Variants in NLRP14 observed in about 807,000 individuals in gnomAD.
The protein encoded by NLRP14 is NLR family pyrin domain containing 14.
In NLRP14, 105 loss-of-function variants were observed where a neutral mutation model predicts 94.7. The observed-to-expected ratio is 1.11, with a 90% CI of 0.95 to 1.30. The LOEUF (loss-of-function observed/expected upper bound fraction) is 1.30, where lower values mean the gene tolerates loss of function less well. Among genes scored for constraint, NLRP14 ranks in the 50% most tolerant of loss-of-function variants. NLRP14 has a pLI of 0.00. For synonymous variants in NLRP14, 508 were observed against 459.9 expected, an observed-to-expected ratio of 1.10 and a Z score of -1.34; for missense variants, 1,362 against 1,254.1, an observed-to-expected ratio of 1.09 and a Z score of -1.30.
chr11:7,041,322 C>G (rs1269722752), intron 3 of NLRP14, among the ~76,000 whole-genome samples: 1 of 152,038 alleles, frequency 6.6e-6, no homozygotes, highest in Non-Finnish European at 1.5e-5. Context: ...AAGTGAGTTT[C>G]TCACTCTTCC....
At chr11:7,089,227 A>G in the NLRP14 span, 1 of 1,613,206 alleles carries the variant, frequency 6.2e-7, no homozygotes, top group Non-Finnish European at 8.5e-7. Flanking sequence ...CGCATCGTCG[A>G]GGTGCTCCTG....
chr11:7,088,999 G>T, the NLRP14 span: 1 of 1,190,846 alleles, frequency 8.4e-7, no homozygotes, highest in South Asian at 1.4e-5. Context: ...CGGTTCCGTG[G>T]ACTCGGCGAC....
In NLRP14 at chr11:7,043,182, G is replaced by C; in HGVS notation, c.1156G>C (p.Gly386Arg). 6.2e-7 allele frequency: 1 copy of C among 1,614,080 alleles called. No homozygotes were observed. The highest frequency in any genetic ancestry group is 8.5e-7 in the Non-Finnish European group (1 of 1,180,014). Reference sequence around the variant, plus strand: ...TTGTCTGAAGCAGCAAATGGAGAAGGGTGGTGATGTCACATTGACCTGCCA... The same window carrying C: ...TTGTCTGAAGCAGCAAATGGAGAAGCGTGGTGATGTCACATTGACCTGCCA... ...CTCLKQQMEK[G>R]GDVTLTCQTT... Residue 386 changes from glycine to arginine, a missense_variant, in exon 4 of 12, where the codon GGT (glycine) becomes CGT (arginine). Coordinates refer to ENST00000299481, the MANE Select transcript of NLRP14 (RefSeq NM_176822.4).
intron 5 of NLRP14, among the ~76,000 whole-genome samples, chr11:7,047,095 A>T (rs1852366177): frequency 6.6e-6 from 1 of 152,204 alleles, no homozygotes; most frequent in Non-Finnish European, 1.5e-5. Flanking sequence ...ACAGAGCTAA[A>T]ACATTCTAGG....
At chr11:7,032,377 T>C (rs1852110993) in intron 1 of NLRP14, among the ~76,000 whole-genome samples, 2 of 152,200 alleles carry the variant, frequency 1.3e-5, no homozygotes, top group Admixed American at 6.5e-5. Context: ...TGAATCCTTA[T>C]TGACAATTAT....
rs1219952208 is a variant in NLRP14, at chr11:7,070,350, A to G, written c.3040A>G (p.Lys1014Glu). The G allele has an allele frequency of 2.5e-6, 4 of 1,610,806 alleles. No individual in the cohort carries two copies. In the Admixed American group the frequency reaches 5.0e-5, roughly 20 times the overall value. ...TCTCTCCTCTGCTCTTATCTGCAACAAAAGACTGATAAAAATGAATCTGAC... is the reference window on the plus strand; with the variant it reads ...TCTCTCCTCTGCTCTTATCTGCAACGAAAGACTGATAAAAATGAATCTGAC... Reference protein sequence around the residue: ...QDLSSALICNKRLIKMNLTQN... With the variant: ...QDLSSALICNERLIKMNLTQN... The change falls in exon 11 of 12, where the codon AAA becomes GAA. Residue 1014 changes from lysine to glutamate, a missense_variant. Transcript: ENST00000299481.
At chr11:7,025,928 T>C (rs12288888) in intron 1 of NLRP14, among the ~76,000 whole-genome samples, 1,836 of 152,228 alleles carry the variant, frequency 0.012, 45 homozygotes, top group African/African-American at 0.043. Context: ...CACGCACAGA[T>C]TGAATAGTAT....
At chr11:7,031,142 A>G (rs1441828606) in intron 1 of NLRP14, among the ~76,000 whole-genome samples, 1 of 152,184 alleles carries the variant, frequency 6.6e-6, no homozygotes, top group Non-Finnish European at 1.5e-5. Context: ...TGGAACAGCA[A>G]ATGCCTGTTG....
At chr11:7,089,743 G>C in the NLRP14 span, 4 of 1,551,252 alleles carry the variant, frequency 2.6e-6, no homozygotes, top group Admixed American at 1.9e-5. Context: ...CCCTACCTGG[G>C]CCCGCGGGAT....
chr11:7,057,597 C>T, intron 6 of NLRP14, 80 bp from the exon 7 acceptor site: 1 of 1,344,436 alleles, frequency 7.4e-7, no homozygotes, highest in Non-Finnish European at 1.1e-6. Flanking sequence ...AGGAAACTTC[C>T]TACCTTTGGG....
At chr11:7,082,907 A>T in the NLRP14 span, among the ~76,000 whole-genome samples, 2 of 152,226 alleles carry the variant, frequency 1.3e-5, no homozygotes, top group Admixed American at 6.5e-5. Flanking sequence ...TGAAGGCACA[A>T]TCTGACCCAT....
intron 6 of NLRP14, 101 bp downstream of exon 6, chr11:7,049,939 C>A: frequency 2.1e-6 from 2 of 957,154 alleles, no homozygotes; most frequent in Non-Finnish European, 3.4e-6. Flanking sequence ...ATAGGACCGG[C>A]TTAAATCTAC....
intron 3 of NLRP14, among the ~76,000 whole-genome samples, chr11:7,040,799 A>C (rs1024118858): frequency 2.6e-5 from 4 of 152,208 alleles, no homozygotes; most frequent in African/African-American, 9.6e-5. Context: ...ATGACCTTGA[A>C]TATAACATCC....
At chr11:7,049,954 A>C in intron 6 of NLRP14, 116 bp downstream of exon 6, 3 of 866,692 alleles carry the variant, frequency 3.5e-6, no homozygotes, top group Non-Finnish European at 5.9e-6. Flanking sequence ...ATCTACTTTC[A>C]TGATATGGGG....
chr11:7,043,405 T>G lies in NLRP14; in HGVS notation c.1379T>G (p.Phe460Cys). 1 of 1,614,108 alleles carries G rather than the reference T, an allele frequency of 6.2e-7. No homozygotes were observed. Among genetic ancestry groups the G allele is most frequent in the Non-Finnish European group, 8.5e-7 (1 of 1,179,946 alleles). Reference protein sequence around the residue: ...LGLTQSDVSSFMDSNIIQKDA... With the variant: ...LGLTQSDVSSCMDSNIIQKDA... ...TTAACTCAATCTGATGTCTCTAGTT[T>G]TATGGACAGCAATATTATTCAGAAG... The change falls in exon 4 of 12, where the codon TTT becomes TGT. Residue 460 changes from phenylalanine (F) to cysteine (C), a missense_variant. By Grantham distance (205) the Phe-to-Cys change is radical. Coordinates refer to ENST00000299481, the MANE Select transcript of NLRP14 (RefSeq NM_176822.4).
intron 11 of NLRP14, 100 bp from the exon 12 acceptor site, chr11:7,071,073 A>C (rs1852788524): frequency 1.5e-6 from 2 of 1,359,826 alleles, no homozygotes; most frequent in African/African-American, 2.9e-5. Flanking sequence ...CTATTTTAAC[A>C]GAACAGTTTT....
At chr11:7,035,764 A>G (rs1301196628) in intron 1 of NLRP14, among the ~76,000 whole-genome samples, 1 of 152,172 alleles carries the variant, frequency 6.6e-6, no homozygotes, top group East Asian at 1.9e-4. Flanking sequence ...TCTGGCCCAG[A>G]TGATAGTCAT....
intron 3 of NLRP14, among the ~76,000 whole-genome samples, chr11:7,041,698 C>T (rs181204644): frequency 6.6e-6 from 1 of 152,114 alleles, no homozygotes; most frequent in Admixed American, 6.5e-5. Context: ...TAGCTAGTGA[C>T]ATGTACTGTG....
At chr11:7,077,510 T>A in the NLRP14 span, among the ~76,000 whole-genome samples, 5 of 152,378 alleles carry the variant, frequency 3.3e-5, no homozygotes, top group African/African-American at 1.2e-4. Context: ...TCAGCCACTC[T>A]TTTGGTTCAT....
Sources: allele counts gnomAD v4.1 joint callset (sites outside exome capture counted in the v4.1 genomes callset), GRCh38; gene constraint gnomAD v4.1.1; transcripts MANE v1.5; gene names NCBI Gene and HGNC (gene_info 2026-07-23, HGNC 2026-07-21).